Variants in CALN1 observed in about 807,000 individuals in gnomAD.
CALN1 encodes calcium-binding protein 8.
A neutral mutation model predicts 30.6 loss-of-function variants in CALN1; 17 were observed. That is an observed-to-expected ratio of 0.56 (90% CI 0.38 to 0.83). The LOEUF (loss-of-function observed/expected upper bound fraction) is 0.83. Among genes scored for constraint, CALN1 ranks in the 40% least tolerant of loss-of-function variants. CALN1 has a pLI of 0.00. For missense variants in CALN1, 291 were observed against 354.9 expected (o/e 0.82, Z 1.45); for synonymous variants, 156 against 131.4 (o/e 1.19, Z -1.28).
intron 3 of CALN1, among the ~76,000 whole-genome samples, chr7:72,232,616 A>G (rs1794189697): frequency 4.9e-5 from 3 of 60,676 alleles, no homozygotes; most frequent in East Asian, 0.042. Flanking sequence ...ACCTGCCACC[A>G]TGCTGGCTAA....
chr7:72,475,792 T>C, the CALN1 span, among the ~76,000 whole-genome samples: 1 of 152,076 alleles, frequency 6.6e-6, no homozygotes, highest in Non-Finnish European at 1.5e-5. Context: ...TTCCCATGTG[T>C]CATGGGAGGA....
chr7:72,311,651 A>ATTTTTTTTTT (rs56197069), intron 2 of CALN1, among the ~76,000 whole-genome samples: 4 of 48,470 alleles, frequency 8.3e-5, no homozygotes, highest in African/African-American at 2.4e-4. Flanking sequence ...CCTGGCTGAG[A>ATTTTTTTTTT]TTTTTTTTTT....
At chr7:72,386,455 A>T (rs1715166555) in intron 2 of CALN1, among the ~76,000 whole-genome samples, 1 of 152,228 alleles carries the variant, frequency 6.6e-6, no homozygotes. Flanking sequence ...TCCTATGGGT[A>T]AATTGGTTAA....
chr7:71,926,422 C>G (rs1203993562), intron 5 of CALN1, among the ~76,000 whole-genome samples: 6 of 152,196 alleles, frequency 3.9e-5, no homozygotes, highest in Non-Finnish European at 4.4e-5. Context: ...GTCATCGGAA[C>G]ATACCATCTC....
At chr7:71,837,712 T>A (rs751378661) in intron 5 of CALN1, among the ~76,000 whole-genome samples, 9 of 152,164 alleles carry the variant, frequency 5.9e-5, no homozygotes, top group Non-Finnish European at 1.3e-4. Flanking sequence ...AACAGGGTCT[T>A]AAGGTTCTGT....
intron 4 of CALN1, among the ~76,000 whole-genome samples, chr7:72,034,090 A>C (rs1331146386): frequency 6.6e-6 from 1 of 152,158 alleles, no homozygotes; most frequent in Non-Finnish European, 1.5e-5. Context: ...GCGGTGGCTC[A>C]CGCCTGTAAT....
At chr7:72,378,941 G>A (rs1490116440) in intron 2 of CALN1, among the ~76,000 whole-genome samples, 3 of 152,052 alleles carry the variant, frequency 2.0e-5, no homozygotes, top group South Asian at 2.1e-4. Flanking sequence ...TGCTTTTTCC[G>A]CATCTAACAA....
intron 3 of CALN1, among the ~76,000 whole-genome samples, chr7:72,251,151 C>G (rs183593903): frequency 0.014 from 2,169 of 152,240 alleles, 58 homozygotes; most frequent in African/African-American, 0.05. Context: ...TACCCTAAGC[C>G]CTCAGACCTA....
At chr7:72,063,430 T>G (rs1720703455) in intron 4 of CALN1, among the ~76,000 whole-genome samples, 1 of 152,182 alleles carries the variant, frequency 6.6e-6, no homozygotes, top group Non-Finnish European at 1.5e-5. Flanking sequence ...CTTTGCATAT[T>G]GTCCTGTGAA....
At chr7:72,180,244 C>T (rs961510525) in intron 3 of CALN1, among the ~76,000 whole-genome samples, 8 of 152,288 alleles carry the variant, frequency 5.3e-5, no homozygotes, top group African/African-American at 1.9e-4. Flanking sequence ...TTCATGAAGA[C>T]AACTTCATAT....
intron 5 of CALN1, among the ~76,000 whole-genome samples, chr7:71,864,519 C>T (rs532897081): frequency 1.5e-4 from 23 of 152,274 alleles, no homozygotes; most frequent in African/African-American, 4.8e-4. Context: ...TGAATTAGAA[C>T]GAACCTGGAC....
intron 5 of CALN1, among the ~76,000 whole-genome samples, chr7:72,001,140 T>C (rs74301530): frequency 0.035 from 5,359 of 151,598 alleles, 358 homozygotes; most frequent in East Asian, 0.32. Context: ...TCTAAACAGG[T>C]AGAAAAACCT....
intron 5 of CALN1, among the ~76,000 whole-genome samples, chr7:72,013,202 GCC>G (rs1328330807): frequency 6.8e-6 from 1 of 147,972 alleles, no homozygotes; most frequent in Admixed American, 6.8e-5. Context: ...TTTTGTTTTT[GCC>G]CCTGAAAACA....
chr7:72,221,579 GA>G (rs1374600623), intron 3 of CALN1, among the ~76,000 whole-genome samples: 1 of 152,114 alleles, frequency 6.6e-6, no homozygotes, highest in African/African-American at 2.4e-5. Context: ...TTAGGACCAG[GA>G]AAAACTGGAA....
At chr7:72,164,365 A>C (rs1788362861) in intron 3 of CALN1, among the ~76,000 whole-genome samples, 1 of 92,978 alleles carries the variant, frequency 1.1e-5, no homozygotes, top group African/African-American at 3.1e-5. Context: ...AAAAAAAAAA[A>C]AAAGAAGAAG....
At chr7:72,229,916 G>A (rs1472743837) in intron 3 of CALN1, among the ~76,000 whole-genome samples, 6 of 151,916 alleles carry the variant, frequency 3.9e-5, no homozygotes, top group African/African-American at 2.4e-5. Context: ...GCTGAGCCGC[G>A]CGGATCATGA....
chr7:72,060,792 C>T (rs1460363433), intron 4 of CALN1, among the ~76,000 whole-genome samples: 1 of 152,110 alleles, frequency 6.6e-6, no homozygotes, highest in Non-Finnish European at 1.5e-5. Context: ...TTGTGACACA[C>T]CAGCTCTACT....
At chr7:72,411,652 T>G (rs1029003424) in intron 1 of CALN1, among the ~76,000 whole-genome samples, 2 of 152,206 alleles carry the variant, frequency 1.3e-5, no homozygotes, top group South Asian at 2.1e-4. Flanking sequence ...AAAAGTCTTG[T>G]CAGGCCTAAA....
chr7:72,319,498 T>C (rs906534861), intron 2 of CALN1, among the ~76,000 whole-genome samples: 23 of 152,062 alleles, frequency 1.5e-4, no homozygotes, highest in Non-Finnish European at 2.9e-5. Flanking sequence ...TCCCACAACA[T>C]GTGGGAATTC....
Sources: gnomAD v4.1 joint callset for allele counts (sites outside exome capture counted in the v4.1 genomes callset) on GRCh38, gnomAD v4.1.1 for gene constraint, MANE v1.5 for transcripts, NCBI Gene and HGNC (gene_info 2026-07-23, HGNC 2026-07-21) for gene names.